The following GLI4 variants were observed in gnomAD, a reference collection of about 807,000 sequenced individuals.
GLI4 encodes zinc finger protein GLI4.
In GLI4, 34 loss-of-function variants were observed where a neutral mutation model predicts 30.9. The observed-to-expected ratio is 1.10, with a 90% CI of 0.84 to 1.47. The LOEUF is 1.47. GLI4 is among the 40% of genes most tolerant of loss of function. The pLI is 0.00. For missense variants in GLI4, 696 were observed against 538.9 expected (o/e 1.29, Z -2.89); for synonymous variants, 277 against 236.7 (o/e 1.17, Z -1.56).
intron 1 of GLI4, among the ~76,000 whole-genome samples, chr8:143,268,656 C>A (rs1815194235): frequency 6.6e-6 from 1 of 152,256 alleles, no homozygotes; most frequent in African/African-American, 2.4e-5. Flanking sequence ...ACAGGGCCAG[C>A]AGCTGAGGTT....
intron 3 of GLI4, chr8:143,275,064 CT>C: frequency 2.0e-6 from 3 of 1,535,358 alleles, no homozygotes; most frequent in Non-Finnish European, 2.6e-6. Context: ...CCGGCCCCAG[CT>C]GGACACAGTG....
chr8:143,276,927 T>G lies in GLI4; in HGVS notation c.*123T>G, dbSNP rs1038965243. 3 of 706,306 alleles carry G rather than the reference T, an allele frequency of 4.2e-6. No homozygotes were observed. In the Admixed American group the frequency reaches 8.9e-5, roughly 21 times the overall value. The allele number at this position is 706,306 out of a possible 1,614,324, so 43.8% of individuals were successfully genotyped here. ...TCCGGAATAAATTCTTTTTGATTGTTGGAAGTGGGAGCCGGCACCTGCCTG... is the reference window on the plus strand; with the variant it reads ...TCCGGAATAAATTCTTTTTGATTGTGGGAAGTGGGAGCCGGCACCTGCCTG... On this transcript the variant is annotated 3_prime_UTR_variant, in exon 4 of 4. Transcript: ENST00000340042.
intron 2 of GLI4, among the ~76,000 whole-genome samples, chr8:143,270,937 C>G (rs916011098): frequency 6.6e-6 from 1 of 152,144 alleles, no homozygotes; most frequent in African/African-American, 2.4e-5. Flanking sequence ...GGCTGGGGAG[C>G]ATGGAGGGGC....
chr8:143,276,683 ACTT>A lies in GLI4; in HGVS notation c.1015_1017del (p.Phe339del), dbSNP rs1443904365. 7.5e-6 allele frequency: 12 copies of A among 1,608,966 alleles called. No homozygotes were observed. In the Admixed American group the frequency reaches 1.5e-4, roughly 20 times the overall value. On this transcript the variant is annotated inframe_deletion, in exon 4 of 4. Transcript: ENST00000340042. ...GGCAAAGCCTTCCGCGGCCGCTCGC[ACTT>A]CTTCCGGCACCTGCGGACCCACACG...
rs1310646744 is a variant in GLI4, at chr8:143,269,450, T to A, written c.54T>A (p.Ser18Arg). The change falls in exon 2 of 4, where the codon AGT becomes AGA. Residue 18 changes from serine (S) to arginine (R), a missense_variant. Coordinates refer to ENST00000340042, the MANE Select transcript of GLI4 (RefSeq NM_138465.4). ...CCCCTTCTGTCCCGTCCCCTGTCAGTCTCTCATCACCGGGGACACCTGGAA... is the reference window on the plus strand; with the variant it reads ...CCCCTTCTGTCCCGTCCCCTGTCAGACTCTCATCACCGGGGACACCTGGAA... ...QESPSVPSPV[S>R]LSSPGTPGTQ... is the part of the protein sequence containing the mutation. 1.2e-6 allele frequency: 2 copies of A among 1,609,062 alleles called. No homozygotes were observed. The highest frequency in any genetic ancestry group is 1.7e-6 in the Non-Finnish European group (2 of 1,176,078).
intron 2 of GLI4, among the ~76,000 whole-genome samples, chr8:143,270,242 T>G (rs180805496): frequency 6.6e-6 from 1 of 152,358 alleles, no homozygotes; most frequent in African/African-American, 2.4e-5. Flanking sequence ...TTCTCCCTCT[T>G]GGGGAGTCAG....
At chr8:143,274,013 C>G (rs1235145181) in intron 2 of GLI4, among the ~76,000 whole-genome samples, 1 of 152,226 alleles carries the variant, frequency 6.6e-6, no homozygotes, top group African/African-American at 2.4e-5. Flanking sequence ...AGTCTGTGCT[C>G]CTTGAGCATT....
At chr8:143,273,542 C>T (rs995629470) in intron 2 of GLI4, among the ~76,000 whole-genome samples, 15 of 152,076 alleles carry the variant, frequency 9.9e-5, no homozygotes, top group Non-Finnish European at 2.2e-4. Flanking sequence ...GAGGTCCCCC[C>T]TCCATGGTGG....
At chr8:143,274,109 G>A (rs1057397436) in intron 2 of GLI4, among the ~76,000 whole-genome samples, 18 of 152,192 alleles carry the variant, frequency 1.2e-4, no homozygotes, top group African/African-American at 4.3e-4. Flanking sequence ...TGTGCCCAGG[G>A]GTGAGGGGCT....
chr8:143,267,494 C>A lies in GLI4; in HGVS notation c.-38+10C>A, dbSNP rs549138974. Reference sequence around the variant, plus strand: ...TCCTCCCGCTCGGAAGGTGAGTGGGCGCGGGCGGCGGCGGCGGCTCCGGGT... The same window carrying A: ...TCCTCCCGCTCGGAAGGTGAGTGGGAGCGGGCGGCGGCGGCGGCTCCGGGT... On this transcript the variant is annotated intron_variant, in intron 1 of 3. Coordinates refer to ENST00000340042, the MANE Select transcript of GLI4 (RefSeq NM_138465.4). 1.5e-5 allele frequency: 15 copies of A among 985,810 alleles called. No individual in the cohort carries two copies. Among genetic ancestry groups the A allele is most frequent in the African/African-American group, 5.3e-5 (3 of 57,112 alleles). The allele number at this position is 985,810 out of a possible 1,614,324, so 61.1% of individuals were successfully genotyped here. A position where few individuals can be genotyped will look rare whatever the true frequency, so the allele number is the denominator to read the frequency against.
In GLI4 at chr8:143,269,390, AG is replaced by A; in HGVS notation, c.-4del. 1 of 1,611,680 alleles carries A rather than the reference AG, an allele frequency of 6.2e-7. No homozygotes were observed. Among genetic ancestry groups the A allele is most frequent in the Non-Finnish European group, 8.5e-7 (1 of 1,178,772 alleles). On this transcript the variant is annotated 5_prime_UTR_variant, in exon 2 of 4. Coordinates refer to ENST00000340042, the MANE Select transcript of GLI4 (RefSeq NM_138465.4). ...AGGTGTGACACCTTCAGCAGGTCTCAGGGAAGATGGCAGCCCTAGGGGACAT... is the reference window on the plus strand; with the variant it reads ...AGGTGTGACACCTTCAGCAGGTCTCAGGAAGATGGCAGCCCTAGGGGACAT...
At chr8:143,270,358 C>G (rs1390843664) in intron 2 of GLI4, among the ~76,000 whole-genome samples, 1 of 152,240 alleles carries the variant, frequency 6.6e-6, no homozygotes, top group East Asian at 1.9e-4. Flanking sequence ...GGGGGCTCCC[C>G]CAAGGAGCCA....
At position 143,276,172 on chromosome 8, in the gene GLI4, G is replaced by A. The variant is rs761713655; in HGVS notation, c.499G>A (p.Val167Ile). ...GAPERAAELG[V>I]NFGRSRQGSA... Reference sequence around the variant, plus strand: ...GCCCGAGCGGGCTGCCGAGCTGGGAGTCAACTTCGGTCGGAGCCGGCAGGG... The same window carrying A: ...GCCCGAGCGGGCTGCCGAGCTGGGAATCAACTTCGGTCGGAGCCGGCAGGG... Residue 167 changes from valine to isoleucine, a missense_variant, in exon 4 of 4, where the codon GTC becomes ATC. Coordinates refer to ENST00000340042, the MANE Select transcript of GLI4 (RefSeq NM_138465.4). The A allele has an allele frequency of 8.8e-5, 137 of 1,554,438 alleles. 1 individual carries two copies. The highest frequency in any genetic ancestry group is 1.1e-4 in the Non-Finnish European group (126 of 1,149,730).
At position 143,276,134 on chromosome 8, in the gene GLI4, G is replaced by GGCCCGAGGGTGC. The variant is rs1487458788; in HGVS notation, c.469_480dup (p.Gly157_Glu160dup). 32 of 1,539,818 alleles carry GGCCCGAGGGTGC rather than the reference G, an allele frequency of 2.1e-5. No individual in the cohort carries two copies. The African/African-American group carries it at 3.7e-4, about 18-fold the overall frequency. On this transcript the variant is annotated inframe_insertion, in exon 4 of 4. Coordinates refer to ENST00000340042, the MANE Select transcript of GLI4 (RefSeq NM_138465.4). ...ACGCTCGTGCAGCAAGCAGCGGCCG[G>GGCCCGAGGGTGC]GCCCGAGGGTGCGCCCGAGCGGGCT... is the stretch of plus-strand genomic sequence containing the variant.
intron 1 of GLI4, chr8:143,267,884 T>C: frequency 1.0e-6 from 1 of 985,298 alleles, no homozygotes; most frequent in African/African-American, 1.7e-5. Context: ...CTCCCGGCGA[T>C]TGGGTCCGCT....
chr8:143,268,899 A>G (rs1815203974), intron 1 of GLI4, among the ~76,000 whole-genome samples: 1 of 112,762 alleles, frequency 8.9e-6, no homozygotes, highest in African/African-American at 3.0e-5. Context: ...GCTGGAGTGC[A>G]GGGGCGCCAT....
At chr8:143,269,932 C>T (rs916344541) in intron 2 of GLI4, among the ~76,000 whole-genome samples, 2 of 152,196 alleles carry the variant, frequency 1.3e-5, no homozygotes, top group Non-Finnish European at 1.5e-5. Flanking sequence ...CCCCGGGACT[C>T]GCAGGGACAG....
intron 3 of GLI4, 200 bp downstream of exon 3, chr8:143,275,002 C>A: frequency 6.6e-7 from 1 of 1,504,244 alleles, no homozygotes. Flanking sequence ...CTTCCCGAGG[C>A]GGTGACTGCA....
At chr8:143,271,993 C>A (rs1243737841) in intron 2 of GLI4, among the ~76,000 whole-genome samples, 3 of 152,182 alleles carry the variant, frequency 2.0e-5, no homozygotes, top group African/African-American at 7.2e-5. Flanking sequence ...AGGGTCCCCA[C>A]ACAGCTTCTC....
Sources: gnomAD v4.1 joint callset for allele counts (sites outside exome capture counted in the v4.1 genomes callset) on GRCh38, gnomAD v4.1.1 for gene constraint, MANE v1.5 for transcripts, NCBI Gene and HGNC (gene_info 2026-07-23, HGNC 2026-07-21) for gene names.